The following ESRRG variants were observed in gnomAD, a reference collection of about 807,000 sequenced individuals.
ESRRG encodes the protein estrogen related receptor gamma.
ESRRG carries 13 observed loss-of-function variants against 44.0 expected under a neutral mutation model. The observed-to-expected ratio is 0.30, with a 90% CI of 0.19 to 0.47. The LOEUF (loss-of-function observed/expected upper bound fraction) is 0.47. Ranked by LOEUF, ESRRG falls within the 20% of genes least tolerant of loss-of-function variation. The pLI, the probability that ESRRG is intolerant of heterozygous loss-of-function variation, is 1.00. For missense variants in ESRRG, 395 were observed against 580.6 expected (o/e 0.68, Z 3.29); for synonymous variants, 215 against 214.6 (o/e 1.00, Z -0.02).
intron 1 of ESRRG, among the ~76,000 whole-genome samples, chr1:217,083,365 G>A (rs922054553): frequency 6.7e-4 from 102 of 152,262 alleles, no homozygotes; most frequent in African/African-American, 2.2e-3. Flanking sequence ...ATGGCGTAGG[G>A]CCATACTTAA....
chr1:216,994,432 T>A (rs866294189), intron 1 of ESRRG, among the ~76,000 whole-genome samples: 2 of 151,620 alleles, frequency 1.3e-5, no homozygotes, highest in South Asian at 4.2e-4. Flanking sequence ...CGGATACATG[T>A]GACTGCACAC....
chr1:217,136,210 TTCTC>T (rs1180942682), intron 1 of ESRRG, among the ~76,000 whole-genome samples: 3 of 152,152 alleles, frequency 2.0e-5, no homozygotes, highest in Non-Finnish European at 4.4e-5. Context: ...GGAGCCGGGT[TTCTC>T]TCTGGGAGTA....
intron 2 of ESRRG, among the ~76,000 whole-genome samples, chr1:216,815,885 A>G (rs1226585541): frequency 2.6e-5 from 4 of 152,272 alleles, no homozygotes; most frequent in Admixed American, 6.5e-5. Context: ...TCTATTGGCC[A>G]TATGTTATTT....
At chr1:217,094,741 C>G (rs2092398107) in intron 1 of ESRRG, among the ~76,000 whole-genome samples, 1 of 152,206 alleles carries the variant, frequency 6.6e-6, no homozygotes, top group Non-Finnish European at 1.5e-5. Flanking sequence ...TTCACAAGGT[C>G]CTGTAGCTAG....
At chr1:216,883,514 G>A (rs2096478618) in intron 2 of ESRRG, among the ~76,000 whole-genome samples, 2 of 151,654 alleles carry the variant, frequency 1.3e-5, no homozygotes, top group Non-Finnish European at 2.9e-5. Flanking sequence ...GAATCCGAGA[G>A]ATTCTATTGC....
At chr1:217,114,529 C>T (rs1192443750) in intron 1 of ESRRG, among the ~76,000 whole-genome samples, 3 of 152,072 alleles carry the variant, frequency 2.0e-5, no homozygotes, top group African/African-American at 7.2e-5. Context: ...TCCAATTGTA[C>T]ATTTATTGGT....
intron 1 of ESRRG, among the ~76,000 whole-genome samples, chr1:217,056,641 T>C (rs1301169840): frequency 6.6e-6 from 1 of 150,642 alleles, no homozygotes; most frequent in Non-Finnish European, 1.5e-5. Context: ...ACTATGAGGG[T>C]AGGGGGAATT....
intron 2 of ESRRG, among the ~76,000 whole-genome samples, chr1:216,805,946 C>A (rs2094779431): frequency 6.6e-6 from 1 of 152,094 alleles, no homozygotes; most frequent in South Asian, 2.1e-4. Flanking sequence ...CCCTCAGAAC[C>A]CAAACGTGGT....
chr1:216,603,316 A>G (rs2059488659), intron 3 of ESRRG, among the ~76,000 whole-genome samples: 1 of 152,180 alleles, frequency 6.6e-6, no homozygotes, highest in South Asian at 2.1e-4. Flanking sequence ...TCAGGCATCC[A>G]TTCTCCAAAA....
intron 2 of ESRRG, among the ~76,000 whole-genome samples, chr1:216,770,067 G>C (rs796401290): frequency 3.9e-5 from 6 of 152,188 alleles, no homozygotes; most frequent in African/African-American, 1.4e-4. Flanking sequence ...AGCTAGGCAA[G>C]TGGGTGAAAG....
intron 2 of ESRRG, among the ~76,000 whole-genome samples, chr1:216,768,939 C>G (rs1400635820): frequency 6.6e-6 from 1 of 152,078 alleles, no homozygotes; most frequent in African/African-American, 2.4e-5. Context: ...GTCTATGCTG[C>G]ACCCCTGTAT....
At chr1:216,776,082 C>T (rs1299896819) in intron 2 of ESRRG, among the ~76,000 whole-genome samples, 1 of 151,986 alleles carries the variant, frequency 6.6e-6, no homozygotes, top group African/African-American at 2.4e-5. Context: ...ATGTAAATCC[C>T]TATAATAGCT....
intron 2 of ESRRG, among the ~76,000 whole-genome samples, chr1:216,805,939 T>G (rs2094779162): frequency 1.3e-5 from 2 of 152,134 alleles, no homozygotes; most frequent in African/African-American, 4.8e-5. Context: ...TATAACTCCC[T>G]CAGAACCCAA....
chr1:216,791,684 T>C (rs2148097288), intron 2 of ESRRG, among the ~76,000 whole-genome samples: 1 of 152,298 alleles, frequency 6.6e-6, no homozygotes, highest in East Asian at 1.9e-4. Flanking sequence ...AGTAAGAACA[T>C]TTTTTATTAT....
intron 2 of ESRRG, among the ~76,000 whole-genome samples, chr1:216,914,822 C>T (rs139112598): frequency 1.3e-4 from 20 of 152,110 alleles, no homozygotes; most frequent in African/African-American, 3.6e-4. Context: ...ACTGTCTGGG[C>T]GGAGGACAGA....
intron 1 of ESRRG, among the ~76,000 whole-genome samples, chr1:216,704,630 T>A (rs1325100731): frequency 6.6e-6 from 1 of 152,122 alleles, no homozygotes; most frequent in East Asian, 1.9e-4. Flanking sequence ...TAAAAAAAAA[T>A]TCTCTTTTCA....
At chr1:216,834,841 T>C (rs1261873903) in intron 2 of ESRRG, among the ~76,000 whole-genome samples, 1 of 152,008 alleles carries the variant, frequency 6.6e-6, no homozygotes, top group African/African-American at 2.4e-5. Flanking sequence ...AAGAAGAAAG[T>C]GTCGATAAGG....
intron 3 of ESRRG, among the ~76,000 whole-genome samples, chr1:216,580,032 C>A (rs2062440897): frequency 6.6e-6 from 1 of 152,106 alleles, no homozygotes; most frequent in East Asian, 1.9e-4. Flanking sequence ...GTGAAAATGA[C>A]ATACTAATTG....
intron 2 of ESRRG, among the ~76,000 whole-genome samples, chr1:216,793,719 A>T (rs529717097): frequency 6.6e-6 from 1 of 152,302 alleles, no homozygotes; most frequent in South Asian, 2.1e-4. Context: ...TTAATTTGTT[A>T]TGTGTCCTAA....
Sources: gnomAD v4.1 joint callset for allele counts (sites outside exome capture counted in the v4.1 genomes callset) on GRCh38, gnomAD v4.1.1 for gene constraint, MANE v1.5 for transcripts, NCBI Gene and HGNC (gene_info 2026-07-23, HGNC 2026-07-21) for gene names.